The following GRIK2 variants were observed in gnomAD, a reference collection of about 807,000 sequenced individuals.
GRIK2 encodes glutamate ionotropic receptor kainate type subunit 2, also known as glutamate receptor ionotropic, kainate 2.
In GRIK2, 32 loss-of-function variants were observed where a neutral mutation model predicts 100.3. That is an observed-to-expected ratio of 0.32 (90% CI 0.24 to 0.43). GRIK2 has a LOEUF of 0.43. GRIK2 is among the 20% of genes least tolerant of loss of function. The pLI, the probability that GRIK2 is intolerant of heterozygous loss-of-function variation, is 1.00. For missense variants in GRIK2, 843 were observed against 1,114.9 expected, an observed-to-expected ratio of 0.76 and a Z score of 3.47; for synonymous variants, 417 against 389.4, an observed-to-expected ratio of 1.07 and a Z score of -0.83.
At chr6:102,013,203 A>C (rs1170175448) in intron 14 of GRIK2, among the ~76,000 whole-genome samples, 1 of 152,062 alleles carries the variant, frequency 6.6e-6, no homozygotes, top group Non-Finnish European at 1.5e-5. Flanking sequence ...GCAGTTGTGA[A>C]TGGGATTGCA....
At chr6:101,556,916 G>A (rs1477763441) in intron 2 of GRIK2, among the ~76,000 whole-genome samples, 1 of 151,886 alleles carries the variant, frequency 6.6e-6, no homozygotes, top group Non-Finnish European at 1.5e-5. Flanking sequence ...ACTTTACAAT[G>A]GATTAGAGTA....
chr6:101,690,877 T>A (rs1369789381), intron 7 of GRIK2, among the ~76,000 whole-genome samples: 1 of 152,220 alleles, frequency 6.6e-6, no homozygotes, highest in Admixed American at 6.5e-5. Flanking sequence ...TTAGATTGAA[T>A]GTGCTGAGTC....
chr6:101,855,945 A>T (rs115449529), intron 10 of GRIK2, among the ~76,000 whole-genome samples: 167 of 152,294 alleles, frequency 1.1e-3, no homozygotes, highest in African/African-American at 3.8e-3. Context: ...GAATCAGTAT[A>T]TATTTTGAGG....
intron 12 of GRIK2, among the ~76,000 whole-genome samples, chr6:101,901,288 T>C (rs937703924): frequency 1.6e-4 from 25 of 152,108 alleles, no homozygotes; most frequent in Admixed American, 1.5e-3. Context: ...TTGGGTGTTT[T>C]AGAAAAAAAA....
At chr6:101,833,399 T>A (rs1033619049) in intron 10 of GRIK2, among the ~76,000 whole-genome samples, 2 of 122,392 alleles carry the variant, frequency 1.6e-5, no homozygotes, top group Non-Finnish European at 3.3e-5. Flanking sequence ...CCCGGCTAAT[T>A]TTTTTTTGTA....
intron 11 of GRIK2, among the ~76,000 whole-genome samples, chr6:101,881,681 T>TA (rs199888236): frequency 0.011 from 1,521 of 138,702 alleles, 23 homozygotes; most frequent in East Asian, 0.079. Context: ...AACACATCTC[T>TA]AAAAAAAAAA....
At chr6:101,587,297 T>C (rs1386960859) in intron 2 of GRIK2, among the ~76,000 whole-genome samples, 1 of 152,046 alleles carries the variant, frequency 6.6e-6, no homozygotes, top group Non-Finnish European at 1.5e-5. Flanking sequence ...TCCCCAAATG[T>C]GACACAAGTG....
intron 7 of GRIK2, among the ~76,000 whole-genome samples, chr6:101,760,254 A>G (rs1163425738): frequency 7.0e-6 from 1 of 143,600 alleles, no homozygotes; most frequent in East Asian, 2.0e-4. Context: ...GTTTTTATAA[A>G]CTACCTAAAT....
intron 2 of GRIK2, among the ~76,000 whole-genome samples, chr6:101,482,968 T>G (rs1326739711): frequency 6.6e-6 from 1 of 152,222 alleles, no homozygotes; most frequent in Non-Finnish European, 1.5e-5. Flanking sequence ...TATTTGGTAG[T>G]ATTAATAAAC....
At chr6:101,833,735 T>C (rs1267390382) in intron 10 of GRIK2, among the ~76,000 whole-genome samples, 2 of 152,106 alleles carry the variant, frequency 1.3e-5, no homozygotes, top group East Asian at 1.9e-4. Flanking sequence ...ATTCCAGCAA[T>C]AAGCTATTAT....
chr6:102,048,174 T>C (rs1770996657), intron 15 of GRIK2, among the ~76,000 whole-genome samples: 1 of 151,292 alleles, frequency 6.6e-6, no homozygotes, highest in Admixed American at 6.6e-5. Context: ...AGACGTAATT[T>C]GGTCTTTTTC....
intron 14 of GRIK2, among the ~76,000 whole-genome samples, chr6:101,975,902 G>A (rs1427504946): frequency 1.3e-5 from 2 of 150,862 alleles, no homozygotes; most frequent in Admixed American, 1.3e-4. Context: ...TTTCTTTGGG[G>A]TTAAATTATG....
chr6:101,572,714 T>C (rs1777594860), intron 2 of GRIK2, among the ~76,000 whole-genome samples: 1 of 150,804 alleles, frequency 6.6e-6, no homozygotes, highest in Non-Finnish European at 1.5e-5. Flanking sequence ...TACTATTTTC[T>C]ACCATAGAAA....
intron 2 of GRIK2, among the ~76,000 whole-genome samples, chr6:101,412,019 C>T (rs1763252771): frequency 6.6e-6 from 1 of 152,018 alleles, no homozygotes; most frequent in African/African-American, 2.4e-5. Flanking sequence ...GCCATGAATA[C>T]ATCCTAATGG....
chr6:101,840,200 A>G (rs1783406971), intron 10 of GRIK2, among the ~76,000 whole-genome samples: 1 of 152,198 alleles, frequency 6.6e-6, no homozygotes, highest in Non-Finnish European at 1.5e-5. Flanking sequence ...TCTGGGATTA[A>G]AAGAATAAAA....
At chr6:101,535,830 T>C (rs1009307584) in intron 2 of GRIK2, among the ~76,000 whole-genome samples, 1 of 151,724 alleles carries the variant, frequency 6.6e-6, no homozygotes, top group Admixed American at 6.6e-5. Context: ...TTAATGACAG[T>C]AAGCACCTAA....
At chr6:101,702,841 A>C (rs1180892053) in intron 7 of GRIK2, among the ~76,000 whole-genome samples, 3 of 151,872 alleles carry the variant, frequency 2.0e-5, no homozygotes, top group Admixed American at 2.0e-4. Flanking sequence ...GAACAATTGC[A>C]AACTTCTTGA....
intron 2 of GRIK2, among the ~76,000 whole-genome samples, chr6:101,561,394 G>A (rs1000711017): frequency 1.3e-5 from 2 of 150,626 alleles, no homozygotes; most frequent in Non-Finnish European, 3.0e-5. Flanking sequence ...AGAGAAGGGG[G>A]GGATGAAAAG....
intron 4 of GRIK2, among the ~76,000 whole-genome samples, chr6:101,662,511 A>G (rs1438740184): frequency 6.6e-6 from 1 of 152,126 alleles, no homozygotes; most frequent in Admixed American, 6.6e-5. Context: ...GCAGTCTAAC[A>G]TGATACCCTT....
Sources: gnomAD v4.1 joint callset for allele counts (sites outside exome capture counted in the v4.1 genomes callset) on GRCh38, gnomAD v4.1.1 for gene constraint, MANE v1.5 for transcripts, NCBI Gene and HGNC (gene_info 2026-07-23, HGNC 2026-07-21) for gene names.